Variants in ANK3 observed in about 807,000 individuals in gnomAD.
The protein encoded by ANK3 is ankyrin-3.
A neutral mutation model predicts 370.9 loss-of-function variants in ANK3; 57 were observed. The ratio of observed to expected loss-of-function variants is 0.15; its 90% confidence interval spans 0.12 to 0.19. The LOEUF (loss-of-function observed/expected upper bound fraction) is 0.19, where lower values mean the gene tolerates loss of function less well. Among genes scored for constraint, ANK3 ranks in the 10% least tolerant of loss-of-function variants. The pLI is 1.00. For synonymous variants in ANK3, 1,929 were observed against 1,946.3 expected, an observed-to-expected ratio of 0.99 and a Z score of 0.23; for missense variants, 4,439 against 5,302.1, an observed-to-expected ratio of 0.84 and a Z score of 5.06.
At chr10:60,506,380 G>A (rs2075941853) in intron 2 of ANK3, among the ~76,000 whole-genome samples, 1 of 152,034 alleles carries the variant, frequency 6.6e-6, no homozygotes, top group Non-Finnish European at 1.5e-5. Context: ...AACAACTTTG[G>A]CTATTTCCGA....
chr10:60,261,718 A>G, intron 7 of ANK3, 141 bp downstream of exon 7: 1 of 664,768 alleles, frequency 1.5e-6, no homozygotes, highest in Non-Finnish European at 2.6e-6. Flanking sequence ...AAGAACATAC[A>G]CTAGGATGAG....
intron 2 of ANK3, among the ~76,000 whole-genome samples, chr10:60,499,805 A>G (rs112381212): frequency 7.2e-5 from 11 of 152,334 alleles, no homozygotes; most frequent in African/African-American, 2.6e-4. Flanking sequence ...CACACATAAG[A>G]GAGTGTTGTA....
chr10:60,181,820 A>G (rs2096198715), intron 17 of ANK3, among the ~76,000 whole-genome samples: 5 of 152,152 alleles, frequency 3.3e-5, no homozygotes, highest in Admixed American at 1.3e-4. Flanking sequence ...AAAAAAAAAA[A>G]TTATATGTTA....
chr10:60,043,778 TG>T (rs2076506779), intron 42 of ANK3: 3 of 985,452 alleles, frequency 3.0e-6, no homozygotes, highest in Non-Finnish European at 3.6e-6. Context: ...CTCTGAGGTT[TG>T]GTGGTGAATG....
intron 2 of ANK3, among the ~76,000 whole-genome samples, chr10:60,484,487 C>T (rs777763685): frequency 6.6e-6 from 1 of 151,990 alleles, no homozygotes; most frequent in Non-Finnish European, 1.5e-5. Flanking sequence ...AAGAAACAAG[C>T]GTGGCAATGA....
intron 5 of ANK3, among the ~76,000 whole-genome samples, chr10:60,264,634 C>CAAA (rs879532506): frequency 2.5e-5 from 2 of 81,370 alleles, no homozygotes; most frequent in African/African-American, 8.3e-5. Context: ...AAGACTCTGT[C>CAAA]AAAAAAAAAA....
intron 7 of ANK3, among the ~76,000 whole-genome samples, chr10:60,248,675 A>G (rs924396750): frequency 6.6e-6 from 1 of 152,314 alleles, no homozygotes; most frequent in South Asian, 2.1e-4. Flanking sequence ...TTTCATCTCC[A>G]TAACAACACA....
chr10:60,172,859 T>C (rs1263778234), intron 20 of ANK3, 41 bp downstream of exon 20: 2 of 1,369,848 alleles, frequency 1.5e-6, no homozygotes, highest in Non-Finnish European at 2.1e-6. Flanking sequence ...CAGGCCCATC[T>C]ATCTCCTCCC....
chr10:60,126,854 T>C lies in ANK3; in HGVS notation c.2841+7417A>G, dbSNP rs2093789213. Among the ~76,000 whole-genome samples the C allele has an allele frequency of 2.6e-5, 4 of 152,186 alleles. No individual in the cohort carries two copies. In the South Asian group the frequency reaches 8.3e-4, roughly 32 times the overall value. ...AATGGCACTTTAAGATGCTAGACGT[T>C]TTATGTTCCCATTGATATGTGGTTG... is the stretch of plus-strand genomic sequence containing the variant. On this transcript the variant is annotated intron_variant, in intron 25 of 43. Coordinates refer to ENST00000280772, the MANE Select transcript of ANK3 (RefSeq NM_020987.5).
chr10:60,151,702 T>C (rs545372567), intron 23 of ANK3, among the ~76,000 whole-genome samples: 1 of 152,328 alleles, frequency 6.6e-6, no homozygotes, highest in African/African-American at 2.4e-5. Flanking sequence ...GCCTCAGATA[T>C]TCCTTCATAT....
chr10:60,326,999 G>A (rs1030539867), intron 1 of ANK3, among the ~76,000 whole-genome samples: 1 of 141,468 alleles, frequency 7.1e-6, no homozygotes, highest in African/African-American at 3.0e-5. Flanking sequence ...CAGCCTGGGC[G>A]ACCGAGACTC....
At chr10:60,276,363 T>C (rs17807007) in intron 4 of ANK3, among the ~76,000 whole-genome samples, 2,946 of 152,290 alleles carry the variant, frequency 0.019, 38 homozygotes, top group South Asian at 0.035. Context: ...GACATCATTG[T>C]TTGTTACTCT....
At chr10:60,046,642 A>G (rs1205922837) in intron 42 of ANK3, among the ~76,000 whole-genome samples, 1 of 152,096 alleles carries the variant, frequency 6.6e-6, no homozygotes, top group Non-Finnish European at 1.5e-5. Flanking sequence ...AATAGGAGGA[A>G]TAGATTAGAT....
intron 28 of ANK3, among the ~76,000 whole-genome samples, chr10:60,089,642 G>A (rs1167119879): frequency 4.6e-5 from 7 of 151,908 alleles, no homozygotes; most frequent in South Asian, 2.1e-4. Context: ...GGTTTGTGAC[G>A]GAGAATTTAT....
intron 2 of ANK3, among the ~76,000 whole-genome samples, chr10:60,488,028 A>G (rs2075395418): frequency 6.6e-6 from 1 of 152,150 alleles, no homozygotes; most frequent in African/African-American, 2.4e-5. Flanking sequence ...CTTTCCTCCT[A>G]GAAGTTGAGA....
intron 1 of ANK3, among the ~76,000 whole-genome samples, chr10:60,347,660 T>G (rs7085259): frequency 0.7 from 106,076 of 151,986 alleles, 38,289 homozygotes; most frequent in South Asian, 0.91. Context: ...AATTGGTGAA[T>G]TGATACAATC....
chr10:60,354,297 T>C (rs2057394705), intron 1 of ANK3, among the ~76,000 whole-genome samples: 1 of 152,072 alleles, frequency 6.6e-6, no homozygotes, highest in African/African-American at 2.4e-5. Flanking sequence ...CCACAAGAAA[T>C]GTGAGAGAAG....
chr10:60,523,242 A>G (rs1567116502), intron 2 of ANK3, among the ~76,000 whole-genome samples: 2 of 151,758 alleles, frequency 1.3e-5, no homozygotes. Flanking sequence ...ATTTTATTTT[A>G]TTTTATTATT....
intron 36 of ANK3, among the ~76,000 whole-genome samples, chr10:60,076,969 C>G (rs1237409939): frequency 1.3e-5 from 2 of 152,166 alleles, no homozygotes; most frequent in African/African-American, 4.8e-5. Flanking sequence ...CTACTTAGAA[C>G]CATTTCAATA....
Sources: allele counts gnomAD v4.1 joint callset (sites outside exome capture counted in the v4.1 genomes callset), GRCh38; gene constraint gnomAD v4.1.1; transcripts MANE v1.5; gene names NCBI Gene and HGNC (gene_info 2026-07-23, HGNC 2026-07-21).